The following ARPP19 variants were observed in gnomAD, a reference collection of about 807,000 sequenced individuals.
ARPP19 encodes the protein cAMP regulated phosphoprotein 19.
Under a neutral mutation model 12.0 loss-of-function variants are expected in ARPP19, and 8 were observed. The observed-to-expected ratio is 0.67, with a 90% CI of 0.39 to 1.21. The LOEUF (loss-of-function observed/expected upper bound fraction) is 1.21, where lower values mean the gene tolerates loss of function less well. Ranked by LOEUF, ARPP19 falls within the 50% of genes most tolerant of loss-of-function variation. ARPP19 has a pLI of 0.01. For synonymous variants in ARPP19, 47 were observed against 50.4 expected (o/e 0.93, Z 0.29); for missense variants, 102 against 136.3 (o/e 0.75, Z 1.25).
chr15:52,556,963 C>A, intron 2 of ARPP19, 137 bp downstream of exon 2: 1 of 849,218 alleles, frequency 1.2e-6, no homozygotes, highest in Non-Finnish European at 1.8e-6. Context: ...ATTGGAAAAA[C>A]CCATTACAGA....
In ARPP19 at chr15:52,549,548, A is replaced by G. The variant is rs2077909747; in HGVS notation, c.*2386T>C. ...TTTTAATAAAAAGACAATCAGCAATATTTTATTTTGGGCACTTAGCATTTC... is the reference window on the plus strand; with the variant it reads ...TTTTAATAAAAAGACAATCAGCAATGTTTTATTTTGGGCACTTAGCATTTC... On this transcript the variant is annotated 3_prime_UTR_variant, in exon 3 of 3. Coordinates refer to ENST00000249822, the MANE Select transcript of ARPP19 (RefSeq NM_006628.6). 1 of 152,594 alleles carries G rather than the reference A, an allele frequency of 6.6e-6. No homozygotes were observed. Among genetic ancestry groups the G allele is most frequent in the Admixed American group, 6.5e-5 (1 of 15,280 alleles). 9.5% of individuals were successfully genotyped at this position (152,594 alleles called of 1,614,324 possible).
chr15:52,559,943 C>A (rs935501592), intron 1 of ARPP19, among the ~76,000 whole-genome samples: 1 of 152,188 alleles, frequency 6.6e-6, no homozygotes, highest in African/African-American at 2.4e-5. Flanking sequence ...TGGAGTCCTA[C>A]ATTTCCAATA....
At position 52,548,885 on chromosome 15, in the gene ARPP19, C is replaced by CTGTTGAAG. The variant is rs1283722160; in HGVS notation, c.*3041_*3048dup. ...AAGTAAAAAGAGCAACTAATTCCAACTGTTGAAGTAGTAACAAGTAAAGGC... is the reference window on the plus strand; with the variant it reads ...AAGTAAAAAGAGCAACTAATTCCAACTGTTGAAGTGTTGAAGTAGTAACAAGTAAAGGC... On this transcript the variant is annotated 3_prime_UTR_variant, in exon 3 of 3. Coordinates refer to ENST00000249822, the MANE Select transcript of ARPP19 (RefSeq NM_006628.6). 1 of 152,648 alleles carries CTGTTGAAG rather than the reference C, an allele frequency of 6.6e-6. No individual in the cohort carries two copies. Among genetic ancestry groups the CTGTTGAAG allele is most frequent in the Non-Finnish European group, 1.5e-5 (1 of 68,038 alleles). 9.5% of individuals were successfully genotyped at this position (152,648 alleles called of 1,614,324 possible). A position where few individuals can be genotyped will look rare whatever the true frequency, so the allele number is the denominator to read the frequency against.
Position 52,549,382 on chromosome 15 carries a change from CCT to C in ARPP19, c.*2550_*2551del, listed in dbSNP as rs1442945170. ...ACAAAAAAAAAACAAAAATCTAAAACCTCTCTATCCCAAGCACCAATAATGGA... is the reference window on the plus strand; with the variant it reads ...ACAAAAAAAAAACAAAAATCTAAAACCTCTATCCCAAGCACCAATAATGGA... On this transcript the variant is annotated 3_prime_UTR_variant, in exon 3 of 3. Transcript: ENST00000249822. 6.6e-6 allele frequency: 1 copy of C among 152,320 alleles called. No homozygotes were observed. Among genetic ancestry groups the C allele is most frequent in the Non-Finnish European group, 1.5e-5 (1 of 67,972 alleles). The allele number at this position is 152,320 out of a possible 1,614,324, so 9.4% of individuals were successfully genotyped here.
chr15:52,560,431 T>C (rs933729555), intron 1 of ARPP19, among the ~76,000 whole-genome samples: 3 of 152,360 alleles, frequency 2.0e-5, no homozygotes, highest in Non-Finnish European at 4.4e-5. Flanking sequence ...ATTTATAACA[T>C]GTCTTAGAAA....
chr15:52,557,029 C>G (rs979237155), intron 2 of ARPP19, 71 bp downstream of exon 2: 2 of 1,492,176 alleles, frequency 1.3e-6, no homozygotes, highest in Non-Finnish European at 1.9e-6. Context: ...GCACAGATAT[C>G]CGTTTCACAA....
intron 2 of ARPP19, among the ~76,000 whole-genome samples, chr15:52,555,139 T>C (rs2077969979): frequency 6.6e-6 from 1 of 152,092 alleles, no homozygotes; most frequent in Admixed American, 6.6e-5. Context: ...ACTTCTCAAA[T>C]TCTATCTACT....
chr15:52,559,559 G>A (rs935795457), intron 1 of ARPP19, among the ~76,000 whole-genome samples: 6 of 152,180 alleles, frequency 3.9e-5, no homozygotes, highest in African/African-American at 1.2e-4. Context: ...GCCTTCTCTA[G>A]AATTTTGTCA....
At position 52,566,146 on chromosome 15, in the gene ARPP19, G is replaced by T. The variant is rs534289656; in HGVS notation, c.45+2702C>A. On this transcript the variant is annotated intron_variant, in intron 1 of 2. Transcript: ENST00000249822. ...TGGGATTACAGGTGTGAGCCACCGT[G>T]CCCGGCCAAATTTTATTTTATTTAT... Among the ~76,000 whole-genome samples, 88 of 150,688 alleles carry T rather than the reference G, an allele frequency of 5.8e-4. No homozygotes were observed. In the South Asian group the frequency reaches 6.1e-3, roughly 10 times the overall value.
In ARPP19 at chr15:52,551,909, A is replaced by G. The variant is rs1197168065; in HGVS notation, c.*25T>C. The G allele has an allele frequency of 6.4e-7, 1 of 1,556,954 alleles. No individual in the cohort carries two copies. Among genetic ancestry groups the G allele is most frequent in the Non-Finnish European group, 8.8e-7 (1 of 1,140,562 alleles). ...TTAAGGAGAAATAATGAGATTTAGC[A>G]GATTCATGCAGTTCAGCCTCTTAAT... is the stretch of plus-strand genomic sequence containing the variant. On this transcript the variant is annotated 3_prime_UTR_variant, in exon 3 of 3. Coordinates refer to ENST00000249822, the MANE Select transcript of ARPP19 (RefSeq NM_006628.6).
At position 52,551,348 on chromosome 15, in the gene ARPP19, CAT is replaced by C; in HGVS notation, c.*584_*585del. 1 of 152,810 alleles carries C rather than the reference CAT, an allele frequency of 6.5e-6. No individual in the cohort carries two copies. The highest frequency in any genetic ancestry group is 2.1e-4 in the South Asian group (1 of 4,828). The allele number at this position is 152,810 out of a possible 1,614,324, so 9.5% of individuals were successfully genotyped here. On this transcript the variant is annotated 3_prime_UTR_variant, in exon 3 of 3. Transcript: ENST00000249822. ...CGGCAGCTGTTAAGCACTAGAGTCA[CAT>C]AAGTTACACCAGAATGGGCAAATAT...
In ARPP19 at chr15:52,557,400, T is replaced by C. The variant is rs1008627636; in HGVS notation, c.46-178A>G. 1.4e-5 allele frequency: 8 copies of C among 572,792 alleles called. No individual in the cohort carries two copies. The South Asian group carries it at 1.5e-4, about 11-fold the overall frequency. The allele number at this position is 572,792 out of a possible 1,614,324, so 35.5% of individuals were successfully genotyped here. A position where few individuals can be genotyped will look rare whatever the true frequency, so the allele number is the denominator to read the frequency against. ...TCTATCTTGTTTTTCAAAAGATCCA[T>C]GTGATAGCTCTATTATAGCTGTGAT... On this transcript the variant is annotated intron_variant, in intron 1 of 2. Coordinates refer to ENST00000249822, the MANE Select transcript of ARPP19 (RefSeq NM_006628.6).
At chr15:52,566,155 AATTTT>A (rs1486220170) in intron 1 of ARPP19, among the ~76,000 whole-genome samples, 3 of 142,912 alleles carry the variant, frequency 2.1e-5, no homozygotes, top group African/African-American at 5.2e-5. Flanking sequence ...TGCCCGGCCA[AATTTT>A]ATTTTATTTA....
At chr15:52,564,395 GA>G (rs1002224426) in intron 1 of ARPP19, 2 of 616,688 alleles carry the variant, frequency 3.2e-6, no homozygotes, top group African/African-American at 3.7e-5. Context: ...CTGGGCGACA[GA>G]GTAAGACCCT....
intron 1 of ARPP19, among the ~76,000 whole-genome samples, chr15:52,561,673 C>A (rs1340560985): frequency 2.6e-5 from 4 of 151,244 alleles, no homozygotes; most frequent in East Asian, 1.9e-4. Context: ...ATTTTAAATA[C>A]CAAAAAGAAA....
rs1460792784 is a variant in ARPP19 at position 52,568,835 on chromosome 15, C to A, written c.45+13G>T. 1 of 1,567,866 alleles carries A rather than the reference C, an allele frequency of 6.4e-7. No homozygotes were observed. Among genetic ancestry groups the A allele is most frequent in the Non-Finnish European group, 8.6e-7 (1 of 1,161,560 alleles). ...CTTGGGCAGGGCCCAGGGCTCACGCCCCGCGCGCTCACCTTCTGCTCCTCC... is the reference window on the plus strand; with the variant it reads ...CTTGGGCAGGGCCCAGGGCTCACGCACCGCGCGCTCACCTTCTGCTCCTCC... On this transcript the variant is annotated intron_variant, in intron 1 of 2. Coordinates refer to ENST00000249822, the MANE Select transcript of ARPP19 (RefSeq NM_006628.6).
In ARPP19 at chr15:52,550,416, A is replaced by G. The variant is rs1006830078; in HGVS notation, c.*1518T>C. 6.6e-6 allele frequency: 1 copy of G among 152,240 alleles called. No individual in the cohort carries two copies. The highest frequency in any genetic ancestry group is 6.5e-5 in the Admixed American group (1 of 15,288). The allele number at this position is 152,240 out of a possible 1,614,324, so 9.4% of individuals were successfully genotyped here. On this transcript the variant is annotated 3_prime_UTR_variant, in exon 3 of 3. Transcript: ENST00000249822. Reference sequence around the variant, plus strand: ...CATAATTCCTAAAATAATTTACCAAAATTCAGCTCATCTTGACATAGGTTC... The same window carrying G: ...CATAATTCCTAAAATAATTTACCAAGATTCAGCTCATCTTGACATAGGTTC...
chr15:52,553,690 A>T (rs1055655586), intron 2 of ARPP19, among the ~76,000 whole-genome samples: 34 of 138,466 alleles, frequency 2.5e-4, no homozygotes, highest in Non-Finnish European at 3.6e-4. Flanking sequence ...GGGCTTGGAC[A>T]AAGGGTGAAG....
At chr15:52,566,683 G>A (rs1011335812) in intron 1 of ARPP19, among the ~76,000 whole-genome samples, 6 of 151,952 alleles carry the variant, frequency 3.9e-5, no homozygotes, top group African/African-American at 1.5e-4. Context: ...CAATCCTCCT[G>A]CCTCAGCCTC....
Sources: gnomAD v4.1 joint callset for allele counts (sites outside exome capture counted in the v4.1 genomes callset) on GRCh38, gnomAD v4.1.1 for gene constraint, MANE v1.5 for transcripts, NCBI Gene and HGNC (gene_info 2026-07-23, HGNC 2026-07-21) for gene names.